Variants in TMEM185B observed in about 807,000 individuals in gnomAD.
The protein encoded by TMEM185B is ee3_2.
A neutral mutation model predicts 26.2 loss-of-function variants in TMEM185B; 9 were observed. The observed-to-expected ratio is 0.34, with a 90% confidence interval of 0.21 to 0.60. The LOEUF is 0.60. TMEM185B is among the 20% of genes least tolerant of loss of function. The pLI is 0.80. For synonymous variants in TMEM185B, 204 were observed against 191.8 expected (o/e 1.06, Z -0.52); for missense variants, 392 against 447.9 (o/e 0.88, Z 1.13).
rs1275111413 is a variant in TMEM185B, at chr2:120,223,399, G to C, written c.-423C>G. The C allele has an allele frequency of 6.5e-6, 1 of 154,980 alleles. No homozygotes were observed. The highest frequency in any genetic ancestry group is 1.4e-5 in the Non-Finnish European group (1 of 70,014). The allele number at this position is 154,980 out of a possible 1,614,324, so 9.6% of individuals were successfully genotyped here. ...CGACTCCGGGAACATGGAGGCGGGAGTGAGCTCACATCCTCCCTGCCGGCC... is the reference window on the plus strand; with the variant it reads ...CGACTCCGGGAACATGGAGGCGGGACTGAGCTCACATCCTCCCTGCCGGCC... On this transcript the variant is annotated 5_prime_UTR_variant, in exon 1 of 1. Transcript: ENST00000426077.
At position 120,223,082 on chromosome 2, in the gene TMEM185B, G is replaced by T; in HGVS notation, c.-106C>A. On this transcript the variant is annotated 5_prime_UTR_variant, in exon 1 of 1. Coordinates refer to ENST00000426077, the MANE Select transcript of TMEM185B (RefSeq NM_024121.3). The stretch of plus-strand genomic sequence containing the variant: ...CGCCTCCCGGGCCCCGCCCAAGCCG[G>T]CTCCGCGTGGACGAATGCCGGGACG... The T allele has an allele frequency of 1.2e-6, 1 of 864,182 alleles. No individual in the cohort carries two copies. Among genetic ancestry groups the T allele is most frequent in the Non-Finnish European group, 1.6e-6 (1 of 642,366 alleles). The allele number at this position is 864,182 out of a possible 1,614,324, so 53.5% of individuals were successfully genotyped here.
In TMEM185B at chr2:120,222,217, AG is replaced by A; in HGVS notation, c.759del (p.Leu254TyrfsTer2). 6.5e-7 allele frequency: 1 copy of A among 1,538,730 alleles called. No individual in the cohort carries two copies. The highest frequency in any genetic ancestry group is 2.4e-5 in the East Asian group (1 of 40,968). ...AATGTTGTGGCCATTAAAGTTAGTA[AG>A]GAAAGCCAAAGGGGGACAAATATGG... ...YVSIFVPLWL[S>X]LLTLMATTFR... On this transcript the variant is annotated frameshift_variant, in exon 1 of 1. Coordinates refer to ENST00000426077, the MANE Select transcript of TMEM185B (RefSeq NM_024121.3). LOFTEE classifies it high-confidence loss of function.
rs1322591099 is a variant in TMEM185B, at chr2:120,221,921, A to G, written c.*3T>C. ...TGTGTGTGCCTGGGTCCTCTCTAGG[A>G]GTTTAATCTGGCATATCAATATTTA... On this transcript the variant is annotated 3_prime_UTR_variant, in exon 1 of 1. Transcript: ENST00000426077. The G allele has an allele frequency of 3.9e-6, 6 of 1,523,072 alleles. No individual in the cohort carries two copies. Among genetic ancestry groups the G allele is most frequent in the Non-Finnish European group, 5.3e-6 (6 of 1,141,184 alleles). 94.3% of individuals were successfully genotyped at this position (1,523,072 alleles called of 1,614,324 possible). A position where few individuals can be genotyped will look rare whatever the true frequency, so the allele number is the denominator to read the frequency against.
Position 120,223,342 on chromosome 2 carries a change from G to T in TMEM185B, c.-366C>A. ...GCCTGGCGCGCTGCTGACTCCCCAA[G>T]CGGCCCGCGACCTTGGGCGGACGCT... On this transcript the variant is annotated 5_prime_UTR_variant, in exon 1 of 1. Transcript: ENST00000426077. 5.9e-6 allele frequency: 1 copy of T among 168,520 alleles called. No homozygotes were observed. Among genetic ancestry groups the T allele is most frequent in the Non-Finnish European group, 1.3e-5 (1 of 79,272 alleles). 10.4% of individuals were successfully genotyped at this position (168,520 alleles called of 1,614,324 possible).
chr2:120,222,685 C>G lies in TMEM185B; in HGVS notation c.292G>C (p.Glu98Gln). 1 of 1,536,546 alleles carries G rather than the reference C, an allele frequency of 6.5e-7. No individual in the cohort carries two copies. Among genetic ancestry groups the G allele is most frequent in the Non-Finnish European group, 8.7e-7 (1 of 1,147,020 alleles). ...TCCACCCTGTCGCAGACCAGGACTT[C>G]GAACATGAGCAGCAGCAGGTGGATG... ...VGIHLLLLMFEVLVCDRVERG... is the reference protein window; with the variant it reads ...VGIHLLLLMFQVLVCDRVERG... Residue 98 changes from glutamate to glutamine, a missense_variant, in exon 1 of 1, where the codon GAA becomes CAA. Physicochemically the swap from Glu to Gln is conservative, Grantham distance 29 (BLOSUM62 2). Coordinates refer to ENST00000426077, the MANE Select transcript of TMEM185B (RefSeq NM_024121.3).
In TMEM185B at chr2:120,222,799, C is replaced by T. The variant is rs1292454978; in HGVS notation, c.178G>A (p.Val60Met). Residue 60 changes from valine (V) to methionine (M), a missense_variant, in exon 1 of 1, where the codon GTG becomes ATG. By Grantham distance (21) the Val-to-Met change is conservative. Around this residue, in one of 3 missense-constraint regions of TMEM185B, gnomAD observed 175 missense variants for 169.1 expected, o/e 1.03. Transcript: ENST00000426077. ...WKLLVVAGAS[V>M]GAGVWARNPR... is the part of the protein sequence containing the mutation. Reference sequence around the variant, plus strand: ...TTGCGGGCCCAAACGCCCGCGCCCACGGAGGCGCCTGCGACGACTAGAAGC... The same window carrying T: ...TTGCGGGCCCAAACGCCCGCGCCCATGGAGGCGCCTGCGACGACTAGAAGC... The T allele has an allele frequency of 6.5e-7, 1 of 1,530,552 alleles. No homozygotes were observed. Among genetic ancestry groups the T allele is most frequent in the Non-Finnish European group, 8.7e-7 (1 of 1,144,066 alleles). The allele number at this position is 1,530,552 out of a possible 1,614,324, so 94.8% of individuals were successfully genotyped here. A position where few individuals can be genotyped will look rare whatever the true frequency, so the allele number is the denominator to read the frequency against.
At position 120,223,264 on chromosome 2, in the gene TMEM185B, C is replaced by T. The variant is rs1688628251; in HGVS notation, c.-288G>A. 2 of 247,698 alleles carry T rather than the reference C, an allele frequency of 8.1e-6. No individual in the cohort carries two copies. The highest frequency in any genetic ancestry group is 1.5e-5 in the Non-Finnish European group (2 of 130,360). The allele number at this position is 247,698 out of a possible 1,614,324, so 15.3% of individuals were successfully genotyped here. The stretch of plus-strand genomic sequence containing the variant: ...GCTGCCTCGGTCCCGCCGCCGCCCG[C>T]GTTCACTCCGTACCCATCAAGAAGG... On this transcript the variant is annotated 5_prime_UTR_variant, in exon 1 of 1. Coordinates refer to ENST00000426077, the MANE Select transcript of TMEM185B (RefSeq NM_024121.3).
In TMEM185B at chr2:120,219,546, A is replaced by C. The variant is rs568040863; in HGVS notation, c.*2378T>G. 1.3e-5 allele frequency among the ~76,000 whole-genome samples: 2 copies of C among 152,252 alleles called. No homozygotes were observed. The highest frequency in any genetic ancestry group is 1.3e-4 in the Admixed American group (2 of 15,300). On this transcript the variant is annotated 3_prime_UTR_variant, in exon 1 of 1. Coordinates refer to ENST00000426077, the MANE Select transcript of TMEM185B (RefSeq NM_024121.3). ...CAGGTGCCAACAAGCTCCTGGCCTG[A>C]AACTGTAGCCAGGAGGGGCCAGTGG...
In TMEM185B at chr2:120,222,540, C is replaced by T; in HGVS notation, c.437G>A (p.Cys146Tyr). 6.5e-7 allele frequency: 1 copy of T among 1,536,362 alleles called. No individual in the cohort carries two copies. Among genetic ancestry groups the T allele is most frequent in the Non-Finnish European group, 8.7e-7 (1 of 1,146,966 alleles). ...HDRSLELEIL[C>Y]SVNILQFIFI... Reference sequence around the variant, plus strand: ...GATGAACTGCAGGATGTTGACCGAGCACAGGATCTCCAGCTCCAGCGACCT... The same window carrying T: ...GATGAACTGCAGGATGTTGACCGAGTACAGGATCTCCAGCTCCAGCGACCT... Residue 146 changes from cysteine to tyrosine, a missense_variant, in exon 1 of 1, where the codon TGC (cysteine) becomes TAC (tyrosine). This residue lies in a region of TMEM185B where 41 missense variants were observed against 77.3 expected (regional missense o/e 0.53). Coordinates refer to ENST00000426077, the MANE Select transcript of TMEM185B (RefSeq NM_024121.3).
Position 120,222,592 on chromosome 2 carries a change from C to A in TMEM185B, c.385G>T (p.Ala129Ser). The A allele has an allele frequency of 1.3e-6, 2 of 1,536,486 alleles. No individual in the cohort carries two copies. Among genetic ancestry groups the A allele is most frequent in the Non-Finnish European group, 1.7e-6 (2 of 1,147,024 alleles). ...LFFVSPVSVA[A>S]CVWGFRHDRS... ...TCGTGTCGAAAGCCCCAGACGCAGG[C>A]AGCCACGGACACGGGGGACACGAAG... Residue 129 changes from alanine to serine, a missense_variant, in exon 1 of 1, where the codon GCC becomes TCC. Ala to Ser is a moderately conservative substitution (Grantham distance 99). Around this residue, in one of 3 missense-constraint regions of TMEM185B, gnomAD observed 41 missense variants for 77.3 expected, o/e 0.53. Transcript: ENST00000426077.
In TMEM185B at chr2:120,219,453, C is replaced by T. The variant is rs369689182; in HGVS notation, c.*2471G>A. 2.4e-4 allele frequency among the ~76,000 whole-genome samples: 37 copies of T among 152,066 alleles called. No homozygotes were observed. The East Asian group carries it at 5.6e-3, about 23-fold the overall frequency. The stretch of plus-strand genomic sequence containing the variant: ...ATGCTGGCTTTCCAACACCAGATAG[C>T]TTGGGGGAAGAGGAAGTTAAGATGG... On this transcript the variant is annotated 3_prime_UTR_variant, in exon 1 of 1. Transcript: ENST00000426077.
Position 120,222,742 on chromosome 2 carries a change from C to G in TMEM185B, c.235G>C (p.Val79Leu). ...PRYRTEGEAC[V>L]EFKAMLIAVG... ...GCGATCAGCATGGCTTTGAACTCCA[C>G]ACAGGCCTCTCCCTCGGTGCGGTAG... The change falls in exon 1 of 1, where the codon GTG becomes CTG. Residue 79 changes from valine (V) to leucine (L), a missense_variant. Transcript: ENST00000426077. The G allele has an allele frequency of 1.3e-6, 2 of 1,536,460 alleles. No individual in the cohort carries two copies. The highest frequency in any genetic ancestry group is 1.7e-6 in the Non-Finnish European group (2 of 1,146,972).
chr2:120,222,951 T>G lies in TMEM185B; in HGVS notation c.26A>C (p.Asp9Ala). MNPRGLFQ[D>A]FNPSKFLIYT... is the part of the protein sequence containing the mutation. ...GATGAGAAACTTACTGGGGTTGAAG[T>G]CCTGGAACAGGCCCCTGGGGTTCAT... is the stretch of plus-strand genomic sequence containing the variant. Residue 9 changes from aspartate to alanine, a missense_variant, in exon 1 of 1, where the codon GAC becomes GCC. By Grantham distance (126) the Asp-to-Ala change is moderately radical (BLOSUM62 -2). This residue lies in a region of TMEM185B where 175 missense variants were observed against 169.1 expected (regional missense o/e 1.03). Transcript: ENST00000426077. The G allele has an allele frequency of 6.9e-7, 1 of 1,442,304 alleles. No homozygotes were observed. The highest frequency in any genetic ancestry group is 1.5e-5 in the South Asian group (1 of 67,698). The allele number at this position is 1,442,304 out of a possible 1,614,324, so 89.3% of individuals were successfully genotyped here. A position where few individuals can be genotyped will look rare whatever the true frequency, so the allele number is the denominator to read the frequency against.
Position 120,222,359 on chromosome 2 carries a change from C to A in TMEM185B, c.618G>T (p.Gln206His), listed in dbSNP as rs1419128518. 1.4e-5 allele frequency: 22 copies of A among 1,536,074 alleles called. No homozygotes were observed. Among genetic ancestry groups the A allele is most frequent in the Non-Finnish European group, 1.9e-5 (22 of 1,146,926 alleles). ...TAGCCATGGTCACGTGTGTTCTCCGCTGCTCGGCAACCACATCCAGGGACC... is the reference window on the plus strand; with the variant it reads ...TAGCCATGGTCACGTGTGTTCTCCGATGCTCGGCAACCACATCCAGGGACC... ...FLRSLDVVAE[Q>H]RRTHVTMAIS... Residue 206 changes from glutamine (Q) to histidine (H), a missense_variant, in exon 1 of 1, where the codon CAG (glutamine) becomes CAT (histidine). By Grantham distance (24) the Gln-to-His change is conservative. Coordinates refer to ENST00000426077, the MANE Select transcript of TMEM185B (RefSeq NM_024121.3).
Position 120,218,970 on chromosome 2 carries a change from A to G in TMEM185B, c.*2954T>C, listed in dbSNP as rs1001871285. 6.6e-6 allele frequency among the ~76,000 whole-genome samples: 1 copy of G among 152,206 alleles called. No homozygotes were observed. The highest frequency in any genetic ancestry group is 2.4e-5 in the African/African-American group (1 of 41,454). ...CATGTGTTGTGGCCAACAGAAAGTG[A>G]GCAGGGGCTGTATTTGTGCTTGCAA... On this transcript the variant is annotated 3_prime_UTR_variant, in exon 1 of 1. Transcript: ENST00000426077.
rs1161011088 is a variant in TMEM185B at position 120,220,729 on chromosome 2, CTG to C, written c.*1193_*1194del. On this transcript the variant is annotated 3_prime_UTR_variant, in exon 1 of 1. Coordinates refer to ENST00000426077, the MANE Select transcript of TMEM185B (RefSeq NM_024121.3). ...CAGCCTGGGCAACAAGAGTGAAACTCTGTCTCAAAACAAAACAAAACAAACAA... is the reference window on the plus strand; with the variant it reads ...CAGCCTGGGCAACAAGAGTGAAACTCTCTCAAAACAAAACAAAACAAACAA... 6.6e-6 allele frequency among the ~76,000 whole-genome samples: 1 copy of C among 152,174 alleles called. No individual in the cohort carries two copies. Among genetic ancestry groups the C allele is most frequent in the Non-Finnish European group, 1.5e-5 (1 of 68,036 alleles).
At position 120,217,685 on chromosome 2, in the gene TMEM185B, G is replaced by T. The variant is rs1297482196; in HGVS notation, c.*4239C>A. Among the ~76,000 whole-genome samples the T allele has an allele frequency of 6.6e-6, 1 of 152,206 alleles. No individual in the cohort carries two copies. Among genetic ancestry groups the T allele is most frequent in the African/African-American group, 2.4e-5 (1 of 41,450 alleles). Reference sequence around the variant, plus strand: ...CTGCTTCCGCCTTCGGTCTGTTGCAGTATGGTATCCTGACTGAAGAAAACC... The same window carrying T: ...CTGCTTCCGCCTTCGGTCTGTTGCATTATGGTATCCTGACTGAAGAAAACC... On this transcript the variant is annotated 3_prime_UTR_variant, in exon 1 of 1. Transcript: ENST00000426077.
Position 120,222,167 on chromosome 2 carries a change from C to A in TMEM185B, c.810G>T (p.Trp270Cys). 4.5e-6 allele frequency: 7 copies of A among 1,557,598 alleles called. No individual in the cohort carries two copies. The highest frequency in any genetic ancestry group is 6.1e-6 in the Non-Finnish European group (7 of 1,153,930). ...AGAAGTCTCTGCGAATGCCAAACCA[C>A]CAATGATTGCCCCCCTTTCGCCTAA... ...TTFRRKGGNH[W>C]WFGIRRDFCQ... Residue 270 changes from tryptophan (W) to cysteine (C), a missense_variant, in exon 1 of 1, where the codon TGG (tryptophan) becomes TGT (cysteine). By Grantham distance (215) the Trp-to-Cys change is radical. This residue lies in a region of TMEM185B where 176 missense variants were observed against 201.6 expected (regional missense o/e 0.87). Transcript: ENST00000426077.
In TMEM185B at chr2:120,222,460, C is replaced by A; in HGVS notation, c.517G>T (p.Val173Leu). The change falls in exon 1 of 1, where the codon GTG becomes TTG. Residue 173 changes from valine (V) to leucine (L), a missense_variant. This residue lies in a region of TMEM185B where 41 missense variants were observed against 77.3 expected (regional missense o/e 0.53). Transcript: ENST00000426077. ...AACGACATGAGGATCCACAGGGGCA[C>A]AAACACCACCAGCCACGGCCAGTGA... The part of the protein sequence containing the change: ...IIHWPWLVVF[V>L]PLWILMSFLC... The A allele has an allele frequency of 6.5e-7, 1 of 1,536,146 alleles. No individual in the cohort carries two copies.
Sources: gnomAD v4.1 joint callset for allele counts (sites outside exome capture counted in the v4.1 genomes callset) on GRCh38, gnomAD v4.1.1 for gene constraint, gnomAD v4.1.1 regional missense constraint, MANE v1.5 for transcripts, NCBI Gene and HGNC (gene_info 2026-07-23, HGNC 2026-07-21) for gene names.